Variants in NIBAN1 observed in about 807,000 individuals in gnomAD.
The protein encoded by NIBAN1 is protein Niban 1.
In NIBAN1, 81 loss-of-function variants were observed where a neutral mutation model predicts 75.1. The ratio of observed to expected loss-of-function variants is 1.08; its 90% CI spans 0.90 to 1.30. The LOEUF (loss-of-function observed/expected upper bound fraction) is 1.30, where lower values mean the gene tolerates loss of function less well. Among genes scored for constraint, NIBAN1 ranks in the 50% most tolerant of loss-of-function variants. The pLI is 0.00. For missense variants in NIBAN1, 1,133 were observed against 1,128.1 expected, an observed-to-expected ratio of 1.00 and a Z score of -0.06; for synonymous variants, 436 against 424.8, an observed-to-expected ratio of 1.03 and a Z score of -0.32.
chr1:184,899,009 G>A (rs998422701), intron 2 of NIBAN1, among the ~76,000 whole-genome samples, 170 bp downstream of exon 2: 2 of 152,154 alleles, frequency 1.3e-5, no homozygotes, highest in Admixed American at 1.3e-4. Flanking sequence ...TCAGCAACAA[G>A]AAATCATACA....
chr1:184,894,306 ATC>A, intron 2 of NIBAN1, 100 bp from the exon 3 acceptor site: 3 of 1,288,108 alleles, frequency 2.3e-6, no homozygotes, highest in Non-Finnish European at 3.1e-6. Flanking sequence ...TTAGGAAACT[ATC>A]TTCCACTGAG....
intron 1 of NIBAN1, among the ~76,000 whole-genome samples, chr1:184,925,236 T>C (rs1319898201): frequency 6.6e-6 from 1 of 152,106 alleles, no homozygotes; most frequent in Non-Finnish European, 1.5e-5. Flanking sequence ...ACTCCTGCTC[T>C]TTTTTGGTTT....
At chr1:184,874,875 T>C (rs1453529232) in intron 5 of NIBAN1, among the ~76,000 whole-genome samples, 2 of 151,988 alleles carry the variant, frequency 1.3e-5, no homozygotes, top group Non-Finnish European at 2.9e-5. Context: ...GGCTATAGAA[T>C]ATATATTGTT....
chr1:184,798,952 T>C (rs1277469875), intron 12 of NIBAN1, among the ~76,000 whole-genome samples: 1 of 152,196 alleles, frequency 6.6e-6, no homozygotes, highest in East Asian at 1.9e-4. Context: ...ATTATATGGA[T>C]AAACAAAAAT....
At chr1:184,917,113 G>A (rs188104724) in intron 1 of NIBAN1, among the ~76,000 whole-genome samples, 5 of 152,202 alleles carry the variant, frequency 3.3e-5, no homozygotes, top group Admixed American at 1.3e-4. Flanking sequence ...CTGTGCGCTT[G>A]GCTCCGCTGC....
At chr1:184,829,085 C>A (rs185972073) in intron 6 of NIBAN1, among the ~76,000 whole-genome samples, 26 of 152,328 alleles carry the variant, frequency 1.7e-4, no homozygotes, top group African/African-American at 5.5e-4. Flanking sequence ...CAGGTATGAG[C>A]CACCACACCC....
chr1:184,844,848 T>C (rs1375826503), intron 5 of NIBAN1, among the ~76,000 whole-genome samples: 4 of 152,182 alleles, frequency 2.6e-5, no homozygotes, highest in East Asian at 3.8e-4. Context: ...TGCAAACCCA[T>C]CACCCTGCCC....
At chr1:184,855,448 C>T (rs652622) in intron 5 of NIBAN1, among the ~76,000 whole-genome samples, 63,733 of 151,792 alleles carry the variant, frequency 0.42, 13,752 homozygotes, top group East Asian at 0.58. Context: ...TTGTTAATCC[C>T]ATACTTATTT....
chr1:184,867,430 G>A (rs1402928170), intron 5 of NIBAN1, among the ~76,000 whole-genome samples: 3 of 152,096 alleles, frequency 2.0e-5, no homozygotes, highest in Non-Finnish European at 1.5e-5. Context: ...ACAACTTTGT[G>A]GTAAGGCTTT....
intron 5 of NIBAN1, chr1:184,868,093 A>G (rs1413554053): frequency 6.1e-6 from 6 of 978,240 alleles, no homozygotes; most frequent in Non-Finnish European, 7.3e-6. Flanking sequence ...GTCTGGTAAG[A>G]TGTGAAAATG....
intron 5 of NIBAN1, among the ~76,000 whole-genome samples, chr1:184,856,909 T>C (rs1655693125): frequency 6.6e-6 from 1 of 152,248 alleles, no homozygotes; most frequent in African/African-American, 2.4e-5. Flanking sequence ...ATATGGATGT[T>C]TTCATGGAAC....
chr1:184,883,145 C>G (rs1008902071), intron 5 of NIBAN1, among the ~76,000 whole-genome samples: 3 of 152,152 alleles, frequency 2.0e-5, no homozygotes, highest in Non-Finnish European at 4.4e-5. Context: ...AATAAGTATA[C>G]AGTGAAATTA....
rs749974328 is a variant in NIBAN1 at position 184,795,928 on chromosome 1, C to T, written c.1836G>A (p.Glu612=). The T allele has an allele frequency of 1.2e-6, 2 of 1,614,212 alleles. No homozygotes were observed. The highest frequency in any genetic ancestry group is 1.7e-6 in the Non-Finnish European group (2 of 1,180,028). The change falls in exon 14 of 14, where the codon GAG becomes GAA. Residue 612 remains glutamate (E), a synonymous_variant. Coordinates refer to ENST00000367511, the MANE Select transcript of NIBAN1 (RefSeq NM_052966.4). Reference sequence around the variant, plus strand: ...CCTGGAATACTTCGTTACTGAGGGTCTCACTACCCAGAACTCCTGGCAGAA... The same window carrying T: ...CCTGGAATACTTCGTTACTGAGGGTTTCACTACCCAGAACTCCTGGCAGAA... ...SAILPGVLGS[E]TLSNEVFQES...
intron 5 of NIBAN1, among the ~76,000 whole-genome samples, chr1:184,859,921 G>A (rs1253279662): frequency 6.6e-6 from 1 of 152,176 alleles, no homozygotes; most frequent in African/African-American, 2.4e-5. Context: ...GTGCAAGGCA[G>A]TTAGCCTACA....
Position 184,795,854 on chromosome 1 carries a change from C to T in NIBAN1, c.1910G>A (p.Gly637Glu), listed in dbSNP as rs768976459. ...TGGCCCAGGGAGAGAAAGGCTTTCT[C>T]CTTTGGCCAACGAGCTAGGGACCTC... ...QPEVPSSLAK[G>E]ESLSLPGPSP... The change falls in exon 14 of 14, where the codon GGA becomes GAA. Residue 637 changes from glycine to glutamate, a missense_variant. Coordinates refer to ENST00000367511, the MANE Select transcript of NIBAN1 (RefSeq NM_052966.4). The T allele has an allele frequency of 6.2e-7, 1 of 1,611,198 alleles. No individual in the cohort carries two copies. The highest frequency in any genetic ancestry group is 8.5e-7 in the Non-Finnish European group (1 of 1,178,410).
intron 12 of NIBAN1, 26 bp from the exon 13 acceptor site, chr1:184,798,216 A>AAGATGAAAAGGCATG (rs753504831): frequency 6.8e-7 from 1 of 1,466,296 alleles, no homozygotes; most frequent in Non-Finnish European, 9.4e-7. Context: ...TTAGAAGATA[A>AAGATGAAAAGGCATG]AGATGAAAAG....
At position 184,820,637 on chromosome 1, in the gene NIBAN1, T is replaced by C. The variant is rs539573266; in HGVS notation, c.986-1812A>G. Among the ~76,000 whole-genome samples, 11 of 152,346 alleles carry C rather than the reference T, an allele frequency of 7.2e-5. No individual in the cohort carries two copies. The South Asian group carries it at 1.7e-3, about 23-fold the overall frequency. Reference sequence around the variant, plus strand: ...TGCAGAGATGCCGCTGTGATGCATATGTGTTTGATACATTAATTCATAAGC... The same window carrying C: ...TGCAGAGATGCCGCTGTGATGCATACGTGTTTGATACATTAATTCATAAGC... On this transcript the variant is annotated intron_variant, in intron 8 of 13. Coordinates refer to ENST00000367511, the MANE Select transcript of NIBAN1 (RefSeq NM_052966.4).
At chr1:184,902,822 A>G (rs183806342) in intron 1 of NIBAN1, among the ~76,000 whole-genome samples, 1 of 152,284 alleles carries the variant, frequency 6.6e-6, no homozygotes, top group African/African-American at 2.4e-5. Context: ...CTGAGCCTCA[A>G]TTTTCTCACC....
intron 5 of NIBAN1, among the ~76,000 whole-genome samples, chr1:184,855,746 G>T (rs766112463): frequency 1.3e-5 from 2 of 152,082 alleles, no homozygotes; most frequent in East Asian, 1.9e-4. Flanking sequence ...ACAAGAACAG[G>T]CATCTTTGTT....
Sources: gnomAD v4.1 joint callset for allele counts (sites outside exome capture counted in the v4.1 genomes callset) on GRCh38, gnomAD v4.1.1 for gene constraint, MANE v1.5 for transcripts, NCBI Gene and HGNC (gene_info 2026-07-23, HGNC 2026-07-21) for gene names.